ELOVL6: variants seen among roughly 807,000 people sequenced by gnomAD.
ELOVL6 encodes ELOVL fatty acid elongase 6.
In ELOVL6, 8 loss-of-function variants were observed where a neutral mutation model predicts 31.7. The ratio of observed to expected loss-of-function variants is 0.25; its 90% CI spans 0.15 to 0.45. The LOEUF is 0.45. Among genes scored for constraint, ELOVL6 ranks in the 20% least tolerant of loss-of-function variants. The pLI is 1.00. For missense variants in ELOVL6, 126 were observed against 326.4 expected (o/e 0.39, Z 4.73); for synonymous variants, 101 against 117.7 (o/e 0.86, Z 0.92).
intron 1 of ELOVL6, among the ~76,000 whole-genome samples, chr4:110,164,797 G>T (rs1758725492): frequency 6.6e-6 from 1 of 150,760 alleles, no homozygotes; most frequent in South Asian, 2.1e-4. Context: ...AGGTGGGTTG[G>T]TAGGCTGCTC....
rs1756955804 is a variant in ELOVL6 at position 110,108,844 on chromosome 4, GA to G, written c.90-3217del. Among the ~76,000 whole-genome samples, 4 of 152,186 alleles carry G rather than the reference GA, an allele frequency of 2.6e-5. 1 individual carries two copies. Among genetic ancestry groups the G allele is most frequent in the Admixed American group, 6.5e-5 (1 of 15,276 alleles). On this transcript the variant is annotated intron_variant, in intron 1 of 3. Transcript: ENST00000302274. ...ATGCACAGAAATCTTTTACTGTAGTGAAATTCAAATCCTTGGGGTTAGTTTG... is the reference window on the plus strand; with the variant it reads ...ATGCACAGAAATCTTTTACTGTAGTGAATTCAAATCCTTGGGGTTAGTTTG...
At chr4:110,135,821 G>C (rs926392245) in intron 1 of ELOVL6, among the ~76,000 whole-genome samples, 1 of 152,094 alleles carries the variant, frequency 6.6e-6, no homozygotes, top group East Asian at 1.9e-4. Flanking sequence ...ATGAACAAAG[G>C]GTCAAAATAA....
intron 1 of ELOVL6, among the ~76,000 whole-genome samples, chr4:110,189,837 G>A (rs1411889412): frequency 6.6e-6 from 1 of 151,558 alleles, no homozygotes; most frequent in Non-Finnish European, 1.5e-5. Flanking sequence ...TGTGATTGTG[G>A]GCGCCTGTAG....
intron 2 of ELOVL6, among the ~76,000 whole-genome samples, chr4:110,087,074 C>G (rs1240334934): frequency 6.6e-6 from 1 of 151,928 alleles, no homozygotes; most frequent in Non-Finnish European, 1.5e-5. Context: ...AGAGGGGGAG[C>G]CTGTTTATTT....
intron 2 of ELOVL6, among the ~76,000 whole-genome samples, chr4:110,078,208 GACA>G (rs1158793367): frequency 6.6e-6 from 1 of 152,146 alleles, no homozygotes; most frequent in Non-Finnish European, 1.5e-5. Context: ...AGCAAGGCAG[GACA>G]ACATTCATAT....
chr4:110,191,010 G>T (rs979720454), intron 1 of ELOVL6, among the ~76,000 whole-genome samples: 10 of 151,624 alleles, frequency 6.6e-5, no homozygotes, highest in African/African-American at 2.4e-4. Context: ...GTAGAGACAG[G>T]GTTTCGCCAC....
At chr4:110,158,892 C>A (rs1758552995) in intron 1 of ELOVL6, among the ~76,000 whole-genome samples, 1 of 151,898 alleles carries the variant, frequency 6.6e-6, no homozygotes, top group African/African-American at 2.4e-5. Flanking sequence ...AACTCCTGAC[C>A]TCAGGTGATC....
At chr4:110,179,922 C>T (rs1029767256) in intron 1 of ELOVL6, among the ~76,000 whole-genome samples, 6 of 152,216 alleles carry the variant, frequency 3.9e-5, no homozygotes. Context: ...AAAGGTAGAA[C>T]ATGTCATCAG....
At position 110,047,076 on chromosome 4, in the gene ELOVL6, C is replaced by T. The variant is rs1322047639; in HGVS notation, c.*4262G>A. ...AAATTGAGAGCAAGGTATTTATTAT[C>T]GAAAACAGAGACTGGAGAAAGACAC... On this transcript the variant is annotated 3_prime_UTR_variant, in exon 4 of 4. Coordinates refer to ENST00000302274, the MANE Select transcript of ELOVL6 (RefSeq NM_024090.3). The T allele has an allele frequency of 6.6e-6, 1 of 152,124 alleles. No individual in the cohort carries two copies. Among genetic ancestry groups the T allele is most frequent in the African/African-American group, 2.4e-5 (1 of 41,428 alleles). 9.4% of individuals were successfully genotyped at this position (152,124 alleles called of 1,614,324 possible). A position where few individuals can be genotyped will look rare whatever the true frequency, so the allele number is the denominator to read the frequency against.
rs563893024 is a variant in ELOVL6, at chr4:110,166,490, G to A, written c.89+31757C>T. Among the ~76,000 whole-genome samples, 4 of 152,194 alleles carry A rather than the reference G, an allele frequency of 2.6e-5. No individual in the cohort carries two copies. In the South Asian group the frequency reaches 6.2e-4, roughly 24 times the overall value. On this transcript the variant is annotated intron_variant, in intron 1 of 3. Transcript: ENST00000302274. The stretch of plus-strand genomic sequence containing the variant: ...ACCTGGGTGTGGTGGTACGCGCCCT[G>A]TAGTCCCAGCTACTAGAAGGGCTAA...
rs754003099 is a variant in ELOVL6 at position 110,113,227 on chromosome 4, C to CAAA, written c.90-7602_90-7600dup. ...TGGGCGACAAAGCAAGACTCCGTCTCAAAAAAAAAAAAAAAAAGAGGAAAG... is the reference window on the plus strand; with the variant it reads ...TGGGCGACAAAGCAAGACTCCGTCTCAAAAAAAAAAAAAAAAAAAAGAGGAAAG... On this transcript the variant is annotated intron_variant, in intron 1 of 3. Transcript: ENST00000302274. Among the ~76,000 whole-genome samples, 898 of 107,434 alleles carry CAAA rather than the reference C, an allele frequency of 8.4e-3. 12 individuals carry two copies. Among genetic ancestry groups the CAAA allele is most frequent in the African/African-American group, 0.029 (787 of 27,608 alleles). The allele number at this position is 107,434 out of a possible 152,430, so 70.5% of individuals were successfully genotyped here. A position where few individuals can be genotyped will look rare whatever the true frequency, so the allele number is the denominator to read the frequency against.
chr4:110,177,243 A>G, intron 1 of ELOVL6, among the ~76,000 whole-genome samples: 1 of 152,058 alleles, frequency 6.6e-6, no homozygotes, highest in Non-Finnish European at 1.5e-5. Flanking sequence ...TTCAAGACCA[A>G]CCTGGGCAAC....
chr4:110,170,056 C>A (rs1457015466), intron 1 of ELOVL6, among the ~76,000 whole-genome samples: 4 of 151,308 alleles, frequency 2.6e-5, no homozygotes, highest in Admixed American at 1.3e-4. Context: ...CTCAGGTGAT[C>A]CACCCACTTT....
intron 1 of ELOVL6, among the ~76,000 whole-genome samples, chr4:110,169,307 C>T (rs1316860968): frequency 6.7e-6 from 1 of 148,684 alleles, no homozygotes; most frequent in Admixed American, 6.9e-5. Flanking sequence ...GGTGCGATCT[C>T]GGCTCACTGC....
chr4:110,113,577 T>C (rs1250070595), intron 1 of ELOVL6, among the ~76,000 whole-genome samples: 1 of 152,124 alleles, frequency 6.6e-6, no homozygotes, highest in Admixed American at 6.5e-5. Flanking sequence ...ACCCTGTCTT[T>C]AAAAAAGCCA....
intron 2 of ELOVL6, among the ~76,000 whole-genome samples, chr4:110,091,652 C>T (rs1385686348): frequency 6.6e-6 from 1 of 152,158 alleles, no homozygotes; most frequent in African/African-American, 2.4e-5. Context: ...TTGAAAATTT[C>T]TGCTCCAGTT....
At chr4:110,166,631 T>C (rs1758787507) in intron 1 of ELOVL6, among the ~76,000 whole-genome samples, 1 of 152,112 alleles carries the variant, frequency 6.6e-6, no homozygotes, top group Non-Finnish European at 1.5e-5. Flanking sequence ...AAAATTCTTG[T>C]GTTTCCACTT....
At chr4:110,177,171 G>C (rs1759132266) in intron 1 of ELOVL6, among the ~76,000 whole-genome samples, 1 of 152,154 alleles carries the variant, frequency 6.6e-6, no homozygotes, top group South Asian at 2.1e-4. Context: ...AGGCATGTTG[G>C]CTCATGCTTG....
At chr4:110,064,655 A>C (rs974544148) in intron 2 of ELOVL6, among the ~76,000 whole-genome samples, 1 of 151,626 alleles carries the variant, frequency 6.6e-6, no homozygotes, top group Non-Finnish European at 1.5e-5. Flanking sequence ...CACATATTAG[A>C]AATTTTTTTT....
Sources: gnomAD v4.1 joint callset for allele counts (sites outside exome capture counted in the v4.1 genomes callset) on GRCh38, gnomAD v4.1.1 for gene constraint, MANE v1.5 for transcripts, NCBI Gene and HGNC (gene_info 2026-07-23, HGNC 2026-07-21) for gene names.